HEATR5B: variants seen among roughly 807,000 people sequenced by gnomAD.
HEATR5B encodes HEAT repeat containing 5B, also known as HEAT repeat-containing protein 5B.
A neutral mutation model predicts 224.1 loss-of-function variants in HEATR5B; 156 were observed. That is an observed-to-expected ratio of 0.70 (90% confidence interval 0.61 to 0.80). The LOEUF is 0.80. Ranked by LOEUF, HEATR5B falls within the 30% of genes least tolerant of loss-of-function variation. The pLI, the probability that HEATR5B is intolerant of heterozygous loss-of-function variation, is 0.00. For missense variants in HEATR5B, 2,323 were observed against 2,535.5 expected (o/e 0.92, Z 1.80); for synonymous variants, 1,027 against 893.0 (o/e 1.15, Z -2.68).
chr2:37,072,317 T>C (rs913246601), intron 5 of HEATR5B, 36 bp from the exon 6 acceptor site: 14 of 1,439,350 alleles, frequency 9.7e-6, no homozygotes, highest in African/African-American at 1.4e-5. Flanking sequence ...TAACATCCTA[T>C]AACATCTGCT....
intron 17 of HEATR5B, among the ~76,000 whole-genome samples, chr2:37,052,120 A>G (rs1365557650): frequency 6.6e-6 from 1 of 152,198 alleles, no homozygotes; most frequent in Non-Finnish European, 1.5e-5. Context: ...AGCATGACCT[A>G]AGACATGTTC....
At chr2:37,031,119 T>G (rs1396172850) in intron 22 of HEATR5B, among the ~76,000 whole-genome samples, 1 of 152,186 alleles carries the variant, frequency 6.6e-6, no homozygotes, top group Admixed American at 6.5e-5. Flanking sequence ...CATTGCTGGG[T>G]TGCGATCTCT....
At chr2:36,990,158 G>A (rs1182277720) in intron 34 of HEATR5B, among the ~76,000 whole-genome samples, 1 of 151,936 alleles carries the variant, frequency 6.6e-6, no homozygotes, top group Non-Finnish European at 1.5e-5. Flanking sequence ...GCCTCCCTAA[G>A]TGCTGGGATT....
chr2:37,030,994 T>C (rs1669094325), intron 22 of HEATR5B, among the ~76,000 whole-genome samples: 2 of 152,246 alleles, frequency 1.3e-5, no homozygotes, highest in Non-Finnish European at 2.9e-5. Flanking sequence ...GTCCGAACTT[T>C]TGGTATGTGC....
At chr2:37,016,022 A>T (rs1347796924) in intron 26 of HEATR5B, among the ~76,000 whole-genome samples, 2 of 152,172 alleles carry the variant, frequency 1.3e-5, no homozygotes, top group Non-Finnish European at 2.9e-5. Context: ...AGGCAAGTGC[A>T]GTGACAATGG....
At position 37,028,146 on chromosome 2, in the gene HEATR5B, A is replaced by G. The variant is rs773794859; in HGVS notation, c.3630T>C (p.Ser1210=). The G allele has an allele frequency of 3.7e-6, 6 of 1,607,478 alleles. No individual in the cohort carries two copies. In the South Asian group the frequency reaches 6.6e-5, roughly 18 times the overall value. The part of the protein sequence containing the change: ...SDMSTATLLS[S]GKDEEAEKKD... ...TCTTTTCAGCTTCTTCATCTTTTCC[A>G]CTACTTAAGAGAGTTGCAGTACTCA... Residue 1210 remains serine (S), a synonymous_variant, in exon 24 of 36, where the codon AGT becomes AGC. Coordinates refer to ENST00000233099, the MANE Select transcript of HEATR5B (RefSeq NM_019024.3).
At chr2:36,981,964 C>G (rs1439016203) in intron 35 of HEATR5B, among the ~76,000 whole-genome samples, 170 bp from the exon 36 acceptor site, 1 of 150,380 alleles carries the variant, frequency 6.6e-6, no homozygotes, top group Non-Finnish European at 1.5e-5. Flanking sequence ...ACTAAATGTA[C>G]AAGCTGGAAA....
At chr2:37,082,052 CTTTTTTTTTT>C (rs61036576) in intron 2 of HEATR5B, among the ~76,000 whole-genome samples, 4,115 of 23,824 alleles carry the variant, frequency 0.17, 193 homozygotes, top group Non-Finnish European at 0.24. Context: ...GAAGTATCTA[CTTTTTTTTTT>C]TTTTTTTTTT....
chr2:37,048,366 G>A (rs947649026), intron 18 of HEATR5B, among the ~76,000 whole-genome samples: 3 of 151,946 alleles, frequency 2.0e-5, no homozygotes, highest in African/African-American at 7.3e-5. Flanking sequence ...TGTATGTTTT[G>A]TAGAGACAGG....
chr2:37,024,414 C>A (rs987541788), intron 24 of HEATR5B, among the ~76,000 whole-genome samples: 1 of 152,142 alleles, frequency 6.6e-6, no homozygotes, highest in African/African-American at 2.4e-5. Flanking sequence ...AAAATGATAA[C>A]TAGGTGAGGT....
At position 37,059,406 on chromosome 2, in the gene HEATR5B, A is replaced by ATGTGTGTG. The variant is rs529487124; in HGVS notation, c.1850-427_1850-420dup. ...GCAACTTTTACAGATATATATGTAT[A>ATGTGTGTG]TGTGTGTGTGTGTGTGTGTGTGTGT... is the stretch of plus-strand genomic sequence containing the variant. On this transcript the variant is annotated intron_variant, in intron 12 of 35. Coordinates refer to ENST00000233099, the MANE Select transcript of HEATR5B (RefSeq NM_019024.3). Among the ~76,000 whole-genome samples the ATGTGTGTG allele has an allele frequency of 2.6e-3, 265 of 100,224 alleles. 5 individuals carry two copies. The highest frequency in any genetic ancestry group is 3.5e-3 in the East Asian group (11 of 3,110). The allele number at this position is 100,224 out of a possible 152,430, so 65.8% of individuals were successfully genotyped here. A position where few individuals can be genotyped will look rare whatever the true frequency, so the allele number is the denominator to read the frequency against.
At chr2:37,061,514 A>C (rs1016348763) in intron 11 of HEATR5B, among the ~76,000 whole-genome samples, 1 of 152,198 alleles carries the variant, frequency 6.6e-6, no homozygotes, top group Non-Finnish European at 1.5e-5. Context: ...TTTGCCTACA[A>C]TGCAGATTTG....
intron 16 of HEATR5B, among the ~76,000 whole-genome samples, chr2:37,053,862 T>C (rs1328266025): frequency 4.0e-5 from 6 of 151,754 alleles, no homozygotes; most frequent in Non-Finnish European, 7.4e-5. Context: ...GTCTTCAACA[T>C]TAACAGCACT....
At chr2:36,993,667 C>G (rs1374611694) in intron 33 of HEATR5B, among the ~76,000 whole-genome samples, 1 of 151,882 alleles carries the variant, frequency 6.6e-6, no homozygotes, top group Non-Finnish European at 1.5e-5. Context: ...TGGGGAAACA[C>G]GGCAGACAAC....
intron 26 of HEATR5B, among the ~76,000 whole-genome samples, chr2:37,019,562 T>C (rs1198566991): frequency 1.3e-5 from 2 of 151,832 alleles, no homozygotes; most frequent in African/African-American, 2.4e-5. Context: ...GCTCAAGATA[T>C]CCACCAACCT....
chr2:37,006,572 C>T (rs1191418486), intron 29 of HEATR5B, among the ~76,000 whole-genome samples: 3 of 152,080 alleles, frequency 2.0e-5, no homozygotes, highest in Non-Finnish European at 4.4e-5. Flanking sequence ...ACCCAGGAGG[C>T]GGAGGTTGCG....
At chr2:37,059,075 G>T (rs1224058093) in intron 12 of HEATR5B, 88 bp from the exon 13 acceptor site, 12 of 743,456 alleles carry the variant, frequency 1.6e-5, no homozygotes, top group Non-Finnish European at 2.4e-5. Flanking sequence ...AAAGGCAGTT[G>T]TAATACTTAA....
At chr2:37,055,433 A>G (rs926842301) in intron 16 of HEATR5B, among the ~76,000 whole-genome samples, 1 of 152,202 alleles carries the variant, frequency 6.6e-6, no homozygotes, top group Non-Finnish European at 1.5e-5. Context: ...ACTCTTAGAT[A>G]TGGATGTCCT....
intron 35 of HEATR5B, among the ~76,000 whole-genome samples, chr2:36,987,142 AT>A (rs1388825753): frequency 2.6e-5 from 4 of 152,162 alleles, no homozygotes; most frequent in African/African-American, 9.7e-5. Flanking sequence ...AAAGATGCTC[AT>A]CTCGGCCAGG....
Sources: gnomAD v4.1 joint callset for allele counts (sites outside exome capture counted in the v4.1 genomes callset) on GRCh38, gnomAD v4.1.1 for gene constraint, MANE v1.5 for transcripts, NCBI Gene and HGNC (gene_info 2026-07-23, HGNC 2026-07-21) for gene names.